Variants in PELI3 observed in about 807,000 individuals in gnomAD.
The protein encoded by PELI3 is E3 ubiquitin-protein ligase pellino homolog 3.
Under a neutral mutation model 35.5 loss-of-function variants are expected in PELI3, and 19 were observed. The ratio of observed to expected loss-of-function variants is 0.54; its 90% CI spans 0.37 to 0.79. The LOEUF (loss-of-function observed/expected upper bound fraction) is 0.79. PELI3 is among the 30% of genes least tolerant of loss of function. The pLI is 0.00. For synonymous variants in PELI3, 262 were observed against 279.2 expected, an observed-to-expected ratio of 0.94 and a Z score of 0.62; for missense variants, 490 against 661.2, an observed-to-expected ratio of 0.74 and a Z score of 2.84.
At position 66,473,210 on chromosome 11, in the gene PELI3, C is replaced by CTTGCA; in HGVS notation, c.457-31_457-30insTTGCA. ...CCCATGAGAGTCCCCTATGTACATA[C>CTTGCA]AGTCCCTGCTTGCTCTCCCTGTCCT... On this transcript the variant is annotated intron_variant, in intron 5 of 7. Coordinates refer to ENST00000320740, the MANE Select transcript of PELI3 (RefSeq NM_145065.3). This position sits in a 1 kb window ranked among gnomAD's most constrained non-coding sequence, Gnocchi z 5.8. The CTTGCA allele has an allele frequency of 6.4e-7, 1 of 1,574,368 alleles. No homozygotes were observed. Among genetic ancestry groups the CTTGCA allele is most frequent in the Non-Finnish European group, 8.6e-7 (1 of 1,157,036 alleles).
At chr11:66,470,680 A>T (rs1268875901) in intron 3 of PELI3, among the ~76,000 whole-genome samples, 2 of 152,206 alleles carry the variant, frequency 1.3e-5, no homozygotes, top group African/African-American at 4.8e-5. Flanking sequence ...AGGTACTGGC[A>T]TTGTGTGTCA....
chr11:66,475,887 G>T lies in PELI3; in HGVS notation c.1130G>T (p.Arg377Leu), dbSNP rs774879559. The change falls in exon 8 of 8, where the codon CGG becomes CTG. Residue 377 changes from arginine to leucine, a missense_variant. Arg to Leu is a moderately radical substitution (Grantham distance 102, BLOSUM62 -2). Transcript: ENST00000320740. The part of the protein sequence containing the change: ...GYHGWGCRRE[R>L]GPQERECPLC... ...CACGGCTGGGGCTGCCGGCGGGAGC[G>T]GGGCCCCCAGGAGCGCGAATGTCCT... is the stretch of plus-strand genomic sequence containing the variant. The T allele has an allele frequency of 6.2e-7, 1 of 1,605,402 alleles. No homozygotes were observed. The highest frequency in any genetic ancestry group is 8.5e-7 in the Non-Finnish European group (1 of 1,176,820).
At chr11:66,472,758 G>A (rs1241491642) in intron 5 of PELI3, among the ~76,000 whole-genome samples, 1 of 152,210 alleles carries the variant, frequency 6.6e-6, no homozygotes, top group East Asian at 1.9e-4. Context: ...ACTTACCACT[G>A]GGTGACTTTG....
In PELI3 at chr11:66,475,607, G is replaced by A; in HGVS notation, c.850G>A (p.Glu284Lys). Residue 284 changes from glutamate (E) to lysine (K), a missense_variant, in exon 8 of 8, where the codon GAG becomes AAG. Glu to Lys is a moderately conservative substitution (Grantham distance 56). This residue lies in a region of PELI3 where 349 missense variants were observed against 484.8 expected (regional missense o/e 0.72). Coordinates refer to ENST00000320740, the MANE Select transcript of PELI3 (RefSeq NM_145065.3). ...CTACTGCCTCTGGCAGGTGGAAAAC[G>A]AGTCCAACGTGCTGCAGGACGGCTC... is the stretch of plus-strand genomic sequence containing the variant. ...AQQRGKLVEN[E>K]SNVLQDGSLI... 2.5e-6 allele frequency: 4 copies of A among 1,612,016 alleles called. No homozygotes were observed. Among genetic ancestry groups the A allele is most frequent in the Non-Finnish European group, 3.4e-6 (4 of 1,179,704 alleles).
chr11:66,474,324 T>A, intron 7 of PELI3: 1 of 553,320 alleles, frequency 1.8e-6, no homozygotes, highest in Non-Finnish European at 3.2e-6. Flanking sequence ...GTCTATCACG[T>A]TCAGACAGGT....
intron 3 of PELI3, among the ~76,000 whole-genome samples, chr11:66,469,553 CT>C (rs2134688191): frequency 6.6e-6 from 1 of 152,324 alleles, no homozygotes; most frequent in South Asian, 2.1e-4. Flanking sequence ...GAGAAGCTGC[CT>C]TGGAAAAGCA....
In PELI3 at chr11:66,473,859, G is replaced by A. The variant is rs1435273589; in HGVS notation, c.774G>A (p.Glu258=). The A allele has an allele frequency of 6.2e-7, 1 of 1,613,732 alleles. No homozygotes were observed. Among genetic ancestry groups the A allele is most frequent in the African/African-American group, 1.3e-5 (1 of 74,940 alleles). Residue 258 remains glutamate, a synonymous_variant, in exon 7 of 8, where the codon GAG becomes GAA. Transcript: ENST00000320740. The surrounding 1 kb of genome is among the most constrained non-coding windows in gnomAD (Gnocchi z 5.8). ...SEDSAPGVWR[E]ISVCGNVYTL... ...ACTCAGCCCCGGGTGTCTGGCGGGA[G>A]ATCTCGGTCTGTGGGAATGTGTACA...
rs780308838 is a variant in PELI3 at position 66,468,166 on chromosome 11, G to A, written c.38G>A (p.Arg13Gln). Residue 13 changes from arginine to glutamine, a missense_variant, in exon 2 of 8, where the codon CGA becomes CAA. By Grantham distance (43) the Arg-to-Gln change is conservative (BLOSUM62 1). Around this residue, in one of 3 missense-constraint regions of PELI3, gnomAD observed 137 missense variants for 157.1 expected, o/e 0.87. Coordinates refer to ENST00000320740, the MANE Select transcript of PELI3 (RefSeq NM_145065.3). ...LEGNPEVGSP[R>Q]TSDLQHRGNK... ...GGAAACCCTGAAGTGGGGTCCCCCC[G>A]AACCTCAGACCTCCAGCACCGGGGG... 5.0e-6 allele frequency: 8 copies of A among 1,608,862 alleles called. 1 individual carries two copies. The South Asian group carries it at 5.5e-5, about 11-fold the overall frequency.
intron 7 of PELI3, 91 bp from the exon 8 acceptor site, chr11:66,475,507 A>G: frequency 1.4e-6 from 2 of 1,421,108 alleles, no homozygotes; most frequent in South Asian, 1.2e-5. Context: ...CCTGCCCGCC[A>G]GGGTGTCCTC....
intron 5 of PELI3, 132 bp downstream of exon 5, chr11:66,472,602 G>C: frequency 1.4e-6 from 1 of 701,236 alleles, no homozygotes; most frequent in Non-Finnish European, 2.5e-6. Flanking sequence ...GGATGTCCCG[G>C]TGTGGGCTGT....
intron 5 of PELI3, among the ~76,000 whole-genome samples, chr11:66,472,909 T>A (rs1316993745): frequency 6.6e-6 from 1 of 152,228 alleles, no homozygotes; most frequent in East Asian, 1.9e-4. Flanking sequence ...TAGCAAATAG[T>A]TACTTAGAAG....
intron 7 of PELI3, chr11:66,474,663 C>T (rs1213018419): frequency 2.0e-5 from 3 of 152,658 alleles, no homozygotes; most frequent in African/African-American, 4.8e-5. Context: ...CACAAGCCTA[C>T]TCTTCTTGAG....
At position 66,475,685 on chromosome 11, in the gene PELI3, C is replaced by T; in HGVS notation, c.928C>T (p.Leu310=). The T allele has an allele frequency of 1.9e-6, 3 of 1,612,504 alleles. No individual in the cohort carries two copies. Among genetic ancestry groups the T allele is most frequent in the South Asian group, 2.2e-5 (2 of 91,074 alleles). The change falls in exon 8 of 8, where the codon CTG becomes TTG. Residue 310 remains leucine, a synonymous_variant. Transcript: ENST00000320740. ...TLLWRTPAGL[L]RAPTLKQLEA... is the part of the protein sequence containing the mutation. ...GCTGTGGCGCACACCGGCGGGGCTG[C>T]TGCGGGCTCCCACACTGAAGCAACT...
chr11:66,471,406 C>T, intron 4 of PELI3, 35 bp downstream of exon 4: 2 of 1,607,126 alleles, frequency 1.2e-6, no homozygotes, highest in Non-Finnish European at 1.7e-6. Context: ...AGGTCCTGCC[C>T]TCCCTGCCCA....
chr11:66,471,754 T>C (rs1854727026), intron 4 of PELI3, among the ~76,000 whole-genome samples: 1 of 152,182 alleles, frequency 6.6e-6, no homozygotes, highest in South Asian at 2.1e-4. Context: ...CCTTTGACTT[T>C]AGAGGATTTG....
rs1590715982 is a variant in PELI3 at position 66,468,212 on chromosome 11, C to G, written c.84C>G (p.Leu28=). ...QHRGNKGSCV[L]SSPGEDAQPG... is the part of the protein sequence containing the mutation. ...GGGGGAACAAGGGCTCTTGCGTTCT[C>G]TCCTCTCCCGGTGAAGATGCGCAGC... Residue 28 remains leucine (L), a synonymous_variant, in exon 2 of 8, where the codon CTC becomes CTG. Coordinates refer to ENST00000320740, the MANE Select transcript of PELI3 (RefSeq NM_145065.3). 1.2e-6 allele frequency: 2 copies of G among 1,604,652 alleles called. No individual in the cohort carries two copies. The highest frequency in any genetic ancestry group is 8.5e-7 in the Non-Finnish European group (1 of 1,174,722).
intron 7 of PELI3, 136 bp downstream of exon 7, chr11:66,474,061 C>A: frequency 8.6e-7 from 1 of 1,162,846 alleles, no homozygotes; most frequent in Non-Finnish European, 1.2e-6. Context: ...TCAGGGAATC[C>A]CAGGCCCAGG....
chr11:66,468,781 GGCCTGTGCCAA>G, intron 2 of PELI3, 41 bp from the exon 3 acceptor site: 1 of 771,082 alleles, frequency 1.3e-6, no homozygotes, highest in Admixed American at 1.7e-5. Flanking sequence ...CTGGGAGGCA[GGCCTGTGCCAA>G]GCCCTTTCAT....
At chr11:66,469,716 CA>C (rs1336148794) in intron 3 of PELI3, among the ~76,000 whole-genome samples, 1 of 151,720 alleles carries the variant, frequency 6.6e-6, no homozygotes, top group African/African-American at 2.4e-5. Context: ...GGCTGGAGGG[CA>C]CTGAAAATAC....
Sources: gnomAD v4.1 joint callset for allele counts (sites outside exome capture counted in the v4.1 genomes callset) on GRCh38, gnomAD v4.1.1 for gene constraint, gnomAD v4.1.1 regional missense constraint, Gnocchi (gnomAD v3.1) non-coding constraint, MANE v1.5 for transcripts, NCBI Gene and HGNC (gene_info 2026-07-23, HGNC 2026-07-21) for gene names.